EPHA5: variants seen among roughly 807,000 people sequenced by gnomAD.
EPHA5 encodes the protein EPH receptor A5.
EPHA5 carries 60 observed loss-of-function variants against 105.0 expected under a neutral mutation model. The ratio of observed to expected loss-of-function variants is 0.57; its 90% CI spans 0.46 to 0.71. EPHA5 has a LOEUF of 0.71. EPHA5 is among the 30% of genes least tolerant of loss of function. The pLI is 0.00. For synonymous variants in EPHA5, 513 were observed against 449.1 expected (o/e 1.14, Z -1.80); for missense variants, 1,218 against 1,274.7 (o/e 0.96, Z 0.68).
intron 5 of EPHA5, among the ~76,000 whole-genome samples, chr4:65,443,928 T>TGC (rs1553917154): frequency 5.9e-5 from 9 of 151,550 alleles, no homozygotes; most frequent in East Asian, 1.9e-4. Context: ...TGTGTGTGTG[T>TGC]GCGTGCACGT....
chr4:65,627,541 C>T (rs912301759), intron 2 of EPHA5, among the ~76,000 whole-genome samples: 13 of 152,088 alleles, frequency 8.5e-5, no homozygotes, highest in Non-Finnish European at 2.9e-5. Flanking sequence ...TTATTCACAA[C>T]TGTAATGTTT....
At chr4:65,338,007 T>A (rs1462431723) in intron 14 of EPHA5, among the ~76,000 whole-genome samples, 1 of 151,932 alleles carries the variant, frequency 6.6e-6, no homozygotes, top group Non-Finnish European at 1.5e-5. Context: ...CAGGAGAAAA[T>A]GTTTTCAGTA....
chr4:65,358,436 T>C (rs1723514823), intron 11 of EPHA5, among the ~76,000 whole-genome samples: 1 of 151,626 alleles, frequency 6.6e-6, no homozygotes, highest in African/African-American at 2.4e-5. Flanking sequence ...CCATCTTATT[T>C]GCATTGTTTT....
intron 3 of EPHA5, among the ~76,000 whole-genome samples, chr4:65,562,662 T>C (rs2149359744): frequency 6.6e-6 from 1 of 152,130 alleles, no homozygotes; most frequent in South Asian, 2.1e-4. Context: ...ATTCTGAAAG[T>C]TAGTGACTTT....
At chr4:65,524,788 A>G (rs1234788219) in intron 3 of EPHA5, among the ~76,000 whole-genome samples, 2 of 151,726 alleles carry the variant, frequency 1.3e-5, no homozygotes, top group African/African-American at 2.4e-5. Flanking sequence ...TGACACCAAT[A>G]ATTTTTCCAA....
chr4:65,632,404 T>G (rs1237576293), intron 2 of EPHA5, among the ~76,000 whole-genome samples: 6,695 of 151,970 alleles, frequency 0.044, 484 homozygotes, highest in African/African-American at 0.15. Flanking sequence ...CCATAATCTC[T>G]GTGCTTGGCA....
At chr4:65,538,745 A>ACATCGCATTTTT (rs1196960523) in intron 3 of EPHA5, among the ~76,000 whole-genome samples, 1 of 151,712 alleles carries the variant, frequency 6.6e-6, no homozygotes, top group Admixed American at 6.6e-5. Flanking sequence ...GTAGATGTGA[A>ACATCGCATTTTT]CATCGGACTA....
At chr4:65,630,017 C>T (rs1259837492) in intron 2 of EPHA5, among the ~76,000 whole-genome samples, 2 of 151,774 alleles carry the variant, frequency 1.3e-5, no homozygotes, top group African/African-American at 4.8e-5. Flanking sequence ...CTGTAGGTAG[C>T]TTGTCAGACA....
intron 3 of EPHA5, among the ~76,000 whole-genome samples, chr4:65,568,151 T>C (rs1464116334): frequency 6.6e-6 from 1 of 151,548 alleles, no homozygotes; most frequent in African/African-American, 2.4e-5. Context: ...ATGTGTCTGT[T>C]ACCTCAGATG....
chr4:65,490,715 G>C lies in EPHA5; in HGVS notation c.1067-3C>G, dbSNP rs749875796. On this transcript the variant is annotated splice_region_variant and splice_polypyrimidine_tract_variant and intron_variant, in intron 4 of 16. Coordinates refer to ENST00000613740, the MANE Select transcript of EPHA5 (RefSeq NM_001281766.3). ...ATTCCGAGGAGCAGAGGGGGGTCCT[G>C]GTTTACAAAGTAAAGTAAGAAAAAC... The C allele has an allele frequency of 6.2e-7, 1 of 1,610,756 alleles. No homozygotes were observed. Among genetic ancestry groups the C allele is most frequent in the East Asian group, 2.2e-5 (1 of 44,786 alleles).
At chr4:65,620,130 T>A (rs1053536314) in intron 2 of EPHA5, among the ~76,000 whole-genome samples, 4 of 103,860 alleles carry the variant, frequency 3.9e-5, no homozygotes, top group African/African-American at 1.4e-4. Context: ...ATATATATAT[T>A]AAATATATGA....
intron 8 of EPHA5, among the ~76,000 whole-genome samples, chr4:65,383,090 T>C (rs1015766011): frequency 1.3e-5 from 2 of 149,400 alleles, no homozygotes; most frequent in Non-Finnish European, 3.0e-5. Flanking sequence ...TATGTAAAAA[T>C]CTTATGCATA....
chr4:65,370,558 A>C (rs557190558), intron 8 of EPHA5, among the ~76,000 whole-genome samples: 30 of 152,280 alleles, frequency 2.0e-4, no homozygotes, highest in African/African-American at 7.2e-4. Flanking sequence ...ACCTTCAAAA[A>C]AATAAATAAT....
chr4:65,407,828 T>C (rs1722509960), intron 7 of EPHA5, among the ~76,000 whole-genome samples: 1 of 152,048 alleles, frequency 6.6e-6, no homozygotes, highest in Admixed American at 6.6e-5. Context: ...TGATCTCGGC[T>C]CATTGCAACC....
rs866670425 is a variant in EPHA5 at position 65,574,719 on chromosome 4, T to C, written c.910+26922A>G. Among the ~76,000 whole-genome samples, 441 of 76,810 alleles carry C rather than the reference T, an allele frequency of 5.7e-3. 9 individuals carry two copies. The highest frequency in any genetic ancestry group is 0.017 in the African/African-American group (418 of 23,888). 50.4% of individuals were successfully genotyped at this position (76,810 alleles called of 152,430 possible). On this transcript the variant is annotated intron_variant, in intron 3 of 16. Coordinates refer to ENST00000613740, the MANE Select transcript of EPHA5 (RefSeq NM_001281766.3). ...ATATACATATATATACATATATATA[T>C]ACATATATATACATATATATATACA...
chr4:65,356,576 G>A (rs781609268), intron 11 of EPHA5, among the ~76,000 whole-genome samples: 1 of 151,484 alleles, frequency 6.6e-6, no homozygotes, highest in Non-Finnish European at 1.5e-5. Context: ...AATTATTTAT[G>A]ACAGTGTAGG....
chr4:65,476,079 A>T lies in EPHA5; in HGVS notation c.1402+14298T>A, dbSNP rs147578187. ...TTTTTTTTCAGAATGTCAGACAAAC[A>T]CTCCCTGCATCAAAATCACTGAGAG... On this transcript the variant is annotated intron_variant, in intron 5 of 16. Transcript: ENST00000613740. Among the ~76,000 whole-genome samples the T allele has an allele frequency of 3.9e-3, 591 of 150,854 alleles. 2 individuals are homozygous for T. The highest frequency in any genetic ancestry group is 0.012 in the African/African-American group (488 of 40,982).
chr4:65,479,987 G>A (rs138900155), intron 5 of EPHA5, among the ~76,000 whole-genome samples: 1 of 152,126 alleles, frequency 6.6e-6, no homozygotes, highest in Admixed American at 6.6e-5. Context: ...CCAAGAGAGG[G>A]TCCTGTTTGG....
At chr4:65,354,888 G>A (rs1006875186) in intron 11 of EPHA5, among the ~76,000 whole-genome samples, 17 of 151,846 alleles carry the variant, frequency 1.1e-4, no homozygotes, top group Admixed American at 2.0e-4. Flanking sequence ...TAAAATACTC[G>A]AGACAATATT....
Sources: gnomAD v4.1 joint callset for allele counts (sites outside exome capture counted in the v4.1 genomes callset) on GRCh38, gnomAD v4.1.1 for gene constraint, MANE v1.5 for transcripts, NCBI Gene and HGNC (gene_info 2026-07-23, HGNC 2026-07-21) for gene names.